SCAPER: variants seen among roughly 807,000 people sequenced by gnomAD.
SCAPER encodes the protein S phase cyclin A-associated protein in the endoplasmic reticulum.
Under a neutral mutation model 182.2 loss-of-function variants are expected in SCAPER, and 98 were observed. That is an observed-to-expected ratio of 0.54 (90% CI 0.46 to 0.64). The LOEUF is 0.64. Among genes scored for constraint, SCAPER ranks in the 30% least tolerant of loss-of-function variants. The pLI is 0.00. For missense variants in SCAPER, 1,432 were observed against 1,690.0 expected (o/e 0.85, Z 2.68); for synonymous variants, 605 against 564.6 (o/e 1.07, Z -1.01).
intron 14 of SCAPER, among the ~76,000 whole-genome samples, chr15:76,761,177 G>A (rs2062764303): frequency 6.6e-6 from 1 of 151,902 alleles, no homozygotes. Flanking sequence ...GATCCTTTTT[G>A]TTTCTCTGTT....
intron 20 of SCAPER, among the ~76,000 whole-genome samples, chr15:76,677,250 T>C (rs2057419207): frequency 6.6e-6 from 1 of 152,132 alleles, no homozygotes; most frequent in Non-Finnish European, 1.5e-5. Context: ...TATCTCCTAC[T>C]AAGAGAATCA....
chr15:76,478,882 C>A (rs2050870568), intron 24 of SCAPER, among the ~76,000 whole-genome samples: 1 of 152,072 alleles, frequency 6.6e-6, no homozygotes, highest in Non-Finnish European at 1.5e-5. Context: ...CAACTCTATT[C>A]TATTTTCCCT....
chr15:76,395,676 G>C (rs566334206), intron 27 of SCAPER, among the ~76,000 whole-genome samples: 1 of 151,978 alleles, frequency 6.6e-6, no homozygotes, highest in Non-Finnish European at 1.5e-5. Flanking sequence ...CAGATCTTTC[G>C]CCCATTTAAA....
rs1353615176 is a variant in SCAPER, at chr15:76,721,336, G to C, written c.2165+7259C>G. On this transcript the variant is annotated intron_variant, in intron 17 of 31. Transcript: ENST00000563290. ...CTGTTTTGGTTACTGTAGCCTTGTAGTATAGTTTGAAGTCAGGTAGTGTGA... is the reference window on the plus strand; with the variant it reads ...CTGTTTTGGTTACTGTAGCCTTGTACTATAGTTTGAAGTCAGGTAGTGTGA... Among the ~76,000 whole-genome samples, 12 of 152,130 alleles carry C rather than the reference G, an allele frequency of 7.9e-5. No individual in the cohort carries two copies. The South Asian group carries it at 1.5e-3, about 18-fold the overall frequency.
At chr15:76,585,354 C>A (rs1274251476) in intron 22 of SCAPER, among the ~76,000 whole-genome samples, 1 of 151,920 alleles carries the variant, frequency 6.6e-6, no homozygotes. Context: ...TGAGTAATGG[C>A]AGCATACTTC....
At chr15:76,844,355 C>G (rs766960209) in intron 4 of SCAPER, among the ~76,000 whole-genome samples, 2 of 150,628 alleles carry the variant, frequency 1.3e-5, no homozygotes, top group South Asian at 2.1e-4. Context: ...AGAGGCTCAT[C>G]GGCTCCCCTG....
chr15:76,505,878 C>A (rs558451946), intron 23 of SCAPER, among the ~76,000 whole-genome samples: 3 of 151,974 alleles, frequency 2.0e-5, no homozygotes, highest in African/African-American at 4.8e-5. Flanking sequence ...ATAAAGAAAA[C>A]GTAGTACATA....
intron 27 of SCAPER, among the ~76,000 whole-genome samples, chr15:76,391,649 C>T (rs2043707788): frequency 6.6e-6 from 1 of 152,186 alleles, no homozygotes; most frequent in Non-Finnish European, 1.5e-5. Context: ...GGGATTCCGA[C>T]ATAGGCCAAT....
intron 5 of SCAPER, among the ~76,000 whole-genome samples, chr15:76,838,258 G>T (rs896177365): frequency 3.3e-5 from 5 of 152,174 alleles, no homozygotes; most frequent in African/African-American, 1.2e-4. Context: ...CAGGAACACG[G>T]ATGCAGCTGG....
chr15:76,398,762 T>A (rs1216493968), intron 27 of SCAPER, among the ~76,000 whole-genome samples: 3 of 152,214 alleles, frequency 2.0e-5, no homozygotes, highest in Admixed American at 6.5e-5. Flanking sequence ...ATTCTTGAAT[T>A]CACAAGTCTT....
At chr15:76,841,338 A>G (rs2069457040) in intron 5 of SCAPER, among the ~76,000 whole-genome samples, 1 of 152,200 alleles carries the variant, frequency 6.6e-6, no homozygotes, top group Non-Finnish European at 1.5e-5. Context: ...TTACAACTAG[A>G]AAAAGTAAGA....
chr15:76,554,381 A>T (rs930045269), intron 23 of SCAPER, among the ~76,000 whole-genome samples: 1 of 152,224 alleles, frequency 6.6e-6, no homozygotes, highest in Non-Finnish European at 1.5e-5. Flanking sequence ...AGAGAGGGAG[A>T]GAAAGCAAGC....
At chr15:76,805,995 T>G (rs2066135095) in intron 5 of SCAPER, among the ~76,000 whole-genome samples, 1 of 152,238 alleles carries the variant, frequency 6.6e-6, no homozygotes, top group South Asian at 2.1e-4. Flanking sequence ...TCATCAACCA[T>G]ATGGCTGACA....
chr15:76,586,942 T>G (rs115341377), intron 22 of SCAPER, among the ~76,000 whole-genome samples: 5,342 of 152,054 alleles, frequency 0.035, 229 homozygotes, highest in African/African-American at 0.1. Flanking sequence ...TGGATTTTTT[T>G]TTGTTGTTGT....
chr15:76,500,858 C>T (rs941325175), intron 24 of SCAPER, among the ~76,000 whole-genome samples: 10 of 151,460 alleles, frequency 6.6e-5, no homozygotes, highest in African/African-American at 1.9e-4. Flanking sequence ...TGGCTAACAT[C>T]GTGAAACCCT....
At chr15:76,757,455 TACACAC>T (rs67231689) in intron 14 of SCAPER, among the ~76,000 whole-genome samples, 12 of 150,518 alleles carry the variant, frequency 8.0e-5, no homozygotes, top group African/African-American at 2.9e-4. Context: ...GTTTTATATA[TACACAC>T]ACACACACAC....
intron 5 of SCAPER, among the ~76,000 whole-genome samples, chr15:76,816,491 C>T (rs2067092163): frequency 6.6e-6 from 1 of 152,124 alleles, no homozygotes; most frequent in Non-Finnish European, 1.5e-5. Flanking sequence ...AAGAAAATAA[C>T]ATGTATGGGA....
chr15:76,803,473 A>G (rs534366731), intron 6 of SCAPER, among the ~76,000 whole-genome samples: 7 of 152,302 alleles, frequency 4.6e-5, no homozygotes, highest in African/African-American at 1.7e-4. Context: ...CTTACTTAAC[A>G]TCAGTCTTTC....
At chr15:76,672,615 CAAAT>C (rs2057105129) in intron 20 of SCAPER, among the ~76,000 whole-genome samples, 1 of 151,858 alleles carries the variant, frequency 6.6e-6, no homozygotes, top group Admixed American at 6.6e-5. Context: ...ATAAACACAA[CAAAT>C]AATGCCTCAA....
Sources: gnomAD v4.1 joint callset for allele counts (sites outside exome capture counted in the v4.1 genomes callset) on GRCh38, gnomAD v4.1.1 for gene constraint, MANE v1.5 for transcripts, NCBI Gene and HGNC (gene_info 2026-07-23, HGNC 2026-07-21) for gene names.